The following TSC22D4 variants were observed in gnomAD, a reference collection of about 807,000 sequenced individuals.
The protein encoded by TSC22D4 is TSC22 domain family protein 4.
TSC22D4 carries 5 observed loss-of-function variants against 24.9 expected under a neutral mutation model. The ratio of observed to expected loss-of-function variants is 0.20; its 90% CI spans 0.10 to 0.42. The LOEUF (loss-of-function observed/expected upper bound fraction) is 0.42, where lower values mean the gene tolerates loss of function less well. Ranked by LOEUF, TSC22D4 falls within the 10% of genes least tolerant of loss-of-function variation. The pLI, the probability that TSC22D4 is intolerant of heterozygous loss-of-function variation, is 1.00. For missense variants in TSC22D4, 469 were observed against 547.9 expected (o/e 0.86, Z 1.44); for synonymous variants, 245 against 243.2 (o/e 1.01, Z -0.07).
intron 2 of TSC22D4, among the ~76,000 whole-genome samples, chr7:100,476,246 T>TGGGGGGGGGGGGGG (rs1799493987): frequency 2.6e-5 from 1 of 38,678 alleles, no homozygotes. Context: ...GGAGGGGGGG[T>TGGGGGGGGGGGGGG]AGGAGGGGGC....
rs754031841 is a variant in TSC22D4 at position 100,477,188 on chromosome 7, A to AGGGG, written c.762+88_762+89insCCCC. ...TGATCTTATAAAGTGATGGAGAAGG[A>AGGGG]GGAGGAGAGGGGGGGGAGGAGGAGG... On this transcript the variant is annotated intron_variant, in intron 2 of 4. Coordinates refer to ENST00000300181, the MANE Select transcript of TSC22D4 (RefSeq NM_030935.5). The surrounding 1 kb of genome is among the most constrained non-coding windows in gnomAD (Gnocchi z 7.8). 2.8e-6 allele frequency: 3 copies of AGGGG among 1,061,944 alleles called. No homozygotes were observed. Among genetic ancestry groups the AGGGG allele is most frequent in the Admixed American group, 2.9e-5 (1 of 33,962 alleles). The allele number at this position is 1,061,944 out of a possible 1,614,324, so 65.8% of individuals were successfully genotyped here.
chr7:100,468,165 CT>C, intron 3 of TSC22D4: 2 of 310,406 alleles, frequency 6.4e-6, no homozygotes, highest in South Asian at 5.0e-5. Flanking sequence ...GGGACCCCCC[CT>C]CCTTTCAGCT....
At chr7:100,467,373 G>C (rs1799302345) in intron 4 of TSC22D4, 179 bp downstream of exon 4, 1 of 860,012 alleles carries the variant, frequency 1.2e-6, no homozygotes, top group South Asian at 1.5e-5. Context: ...ACTAGAGGCT[G>C]GGCAAAGTCA....
At chr7:100,468,796 G>A (rs1799338169) in intron 3 of TSC22D4, among the ~76,000 whole-genome samples, 1 of 151,960 alleles carries the variant, frequency 6.6e-6, no homozygotes, top group Non-Finnish European at 1.5e-5. Flanking sequence ...AATTAGCCAG[G>A]CGTGGTGGAG....
intron 3 of TSC22D4, 131 bp from the exon 4 acceptor site, chr7:100,467,731 T>A: frequency 1.0e-6 from 1 of 985,824 alleles, no homozygotes. Context: ...GAGGGTTTTG[T>A]CCATCCCCCT....
At position 100,466,814 on chromosome 7, in the gene TSC22D4, G is replaced by A. The variant is rs1303853215; in HGVS notation, c.*145C>T. 3 of 794,958 alleles carry A rather than the reference G, an allele frequency of 3.8e-6. No individual in the cohort carries two copies. The highest frequency in any genetic ancestry group is 5.9e-6 in the Non-Finnish European group (3 of 506,188). 49.2% of individuals were successfully genotyped at this position (794,958 alleles called of 1,614,324 possible). A position where few individuals can be genotyped will look rare whatever the true frequency, so the allele number is the denominator to read the frequency against. On this transcript the variant is annotated 3_prime_UTR_variant, in exon 5 of 5. Transcript: ENST00000300181. ...AAGGCTGGGGATGATGAGGAGATGGGGCAGGGGCCGGGGGACCAGGCCATT... is the reference window on the plus strand; with the variant it reads ...AAGGCTGGGGATGATGAGGAGATGGAGCAGGGGCCGGGGGACCAGGCCATT...
In TSC22D4 at chr7:100,477,260, T is replaced by C; in HGVS notation, c.762+17A>G. 1 of 1,482,094 alleles carries C rather than the reference T, an allele frequency of 6.7e-7. No individual in the cohort carries two copies. Among genetic ancestry groups the C allele is most frequent in the Non-Finnish European group, 9.0e-7 (1 of 1,114,750 alleles). 91.8% of individuals were successfully genotyped at this position (1,482,094 alleles called of 1,614,324 possible). A position where few individuals can be genotyped will look rare whatever the true frequency, so the allele number is the denominator to read the frequency against. ...TAGGCCAGGGCTGATGGGCCAGCCC[T>C]AGAACCCAGGTCTTACCTGCCCCAT... is the stretch of plus-strand genomic sequence containing the variant. On this transcript the variant is annotated intron_variant, in intron 2 of 4. Transcript: ENST00000300181. The surrounding 1 kb of genome is among the most constrained non-coding windows in gnomAD (Gnocchi z 7.8).
chr7:100,472,366 T>G (rs1584349248), intron 3 of TSC22D4, among the ~76,000 whole-genome samples: 1 of 86,580 alleles, frequency 1.2e-5, no homozygotes. Context: ...CAGGGTGAAG[T>G]GGAGGCTGGG....
Position 100,468,663 on chromosome 7 carries a change from G to A in TSC22D4, c.930-1063C>T, listed in dbSNP as rs565429747. On this transcript the variant is annotated intron_variant, in intron 3 of 4. Coordinates refer to ENST00000300181, the MANE Select transcript of TSC22D4 (RefSeq NM_030935.5). ...GATGAATACAGCGTAAAGGCCAGGCGTGGTGGCTCACACCTGTAATCCCAG... is the reference window on the plus strand; with the variant it reads ...GATGAATACAGCGTAAAGGCCAGGCATGGTGGCTCACACCTGTAATCCCAG... 3.3e-5 allele frequency among the ~76,000 whole-genome samples: 5 copies of A among 152,350 alleles called. No individual in the cohort carries two copies. In the East Asian group the frequency reaches 7.7e-4, roughly 23 times the overall value.
Position 100,474,338 on chromosome 7 carries a change from G to C in TSC22D4, c.865C>G (p.Gln289Glu), listed in dbSNP as rs771934212. 2.5e-6 allele frequency: 4 copies of C among 1,614,054 alleles called. No individual in the cohort carries two copies. In the Admixed American group the frequency reaches 5.0e-5, roughly 20 times the overall value. Residue 289 changes from glutamine (Q) to glutamate (E), a missense_variant, in exon 3 of 5, where the codon CAG becomes GAG. Coordinates refer to ENST00000300181, the MANE Select transcript of TSC22D4 (RefSeq NM_030935.5). This position sits in a 1 kb window ranked among gnomAD's most constrained non-coding sequence, Gnocchi z 4.3. Reference sequence around the variant, plus strand: ...ATGGAGTGGGCCAGGCTGAACTTCTGAGCTGCTACTGCTCCGAAGGGGTCT... The same window carrying C: ...ATGGAGTGGGCCAGGCTGAACTTCTCAGCTGCTACTGCTCCGAAGGGGTCT... ...SPDPFGAVAA[Q>E]KFSLAHSMLA...
intron 4 of TSC22D4, 151 bp from the exon 5 acceptor site, chr7:100,467,319 G>T: frequency 2.2e-6 from 2 of 914,644 alleles, no homozygotes; most frequent in Non-Finnish European, 1.7e-6. Context: ...GAGGGACAGA[G>T]GCAGAGTCAG....
rs1021448284 is a variant in TSC22D4, at chr7:100,467,554, T to C, written c.976A>G (p.Met326Val). 6.2e-7 allele frequency: 1 copy of C among 1,614,064 alleles called. No homozygotes were observed. Among genetic ancestry groups the C allele is most frequent in the South Asian group, 1.1e-5 (1 of 91,064 alleles). ...VGIDNKIEQAMDLVKSHLMFA... is the reference protein window; with the variant it reads ...VGIDNKIEQAVDLVKSHLMFA... Reference sequence around the variant, plus strand: ...GGGACCAAGATGGCTTCTCTTACCATGGCTTGCTCGATTTTGTTGTCAATG... The same window carrying C: ...GGGACCAAGATGGCTTCTCTTACCACGGCTTGCTCGATTTTGTTGTCAATG... Residue 326 changes from methionine to valine, a missense_variant and splice_region_variant, in exon 4 of 5, where the codon ATG (methionine) becomes GTG (valine). Physicochemically the swap from Met to Val is conservative, Grantham distance 21. Coordinates refer to ENST00000300181, the MANE Select transcript of TSC22D4 (RefSeq NM_030935.5).
At chr7:100,469,285 G>A (rs530102474) in intron 3 of TSC22D4, among the ~76,000 whole-genome samples, 2 of 151,934 alleles carry the variant, frequency 1.3e-5, no homozygotes, top group Admixed American at 6.6e-5. Context: ...GGGTCTCAGA[G>A]GAAGCGAGGG....
Position 100,474,408 on chromosome 7 carries a change from T to C in TSC22D4, c.795A>G (p.Pro265=), listed in dbSNP as rs7809801. 305,866 of 1,613,794 alleles carry C rather than the reference T, an allele frequency of 0.19. 30,647 individuals are homozygous for C. The highest frequency in any genetic ancestry group is 0.29 in the African/African-American group (21,472 of 74,928). The stretch of plus-strand genomic sequence containing the variant: ...TGGCATCGTGGGTGAAGTAGAGGGC[T>C]GGGGAGCTGGGGCGAGAGTCAAGTG... The part of the protein sequence containing the change: ...VPPLDSRPSS[P]ALYFTHDASL... The change falls in exon 3 of 5, where the codon CCA becomes CCG. Residue 265 remains proline, a synonymous_variant. Coordinates refer to ENST00000300181, the MANE Select transcript of TSC22D4 (RefSeq NM_030935.5). The surrounding 1 kb of genome is among the most constrained non-coding windows in gnomAD (Gnocchi z 4.3).
chr7:100,473,473 G>A (rs1195165381), intron 3 of TSC22D4, among the ~76,000 whole-genome samples: 6 of 151,262 alleles, frequency 4.0e-5, no homozygotes, highest in African/African-American at 1.5e-4. Context: ...GCGGAGTCTC[G>A]CTCTGTCACC....
rs1173907063 is a variant in TSC22D4 at position 100,477,189 on chromosome 7, GGAGGA to G, written c.762+83_762+87del. 1 of 1,068,886 alleles carries G rather than the reference GGAGGA, an allele frequency of 9.4e-7. No individual in the cohort carries two copies. The highest frequency in any genetic ancestry group is 1.9e-5 in the African/African-American group (1 of 53,358). 66.2% of individuals were successfully genotyped at this position (1,068,886 alleles called of 1,614,324 possible). On this transcript the variant is annotated intron_variant, in intron 2 of 4. Coordinates refer to ENST00000300181, the MANE Select transcript of TSC22D4 (RefSeq NM_030935.5). This position sits in a 1 kb window ranked among gnomAD's most constrained non-coding sequence, Gnocchi z 7.8. Reference sequence around the variant, plus strand: ...GATCTTATAAAGTGATGGAGAAGGAGGAGGAGAGGGGGGGGAGGAGGAGGAAGGAG... The same window carrying G: ...GATCTTATAAAGTGATGGAGAAGGAGGAGGGGGGGGAGGAGGAGGAAGGAG...
intron 3 of TSC22D4, among the ~76,000 whole-genome samples, chr7:100,470,347 C>A (rs1395135999): frequency 6.6e-6 from 1 of 152,180 alleles, no homozygotes; most frequent in Non-Finnish European, 1.5e-5. Context: ...GGCTGGAGTG[C>A]AATGGCGGGA....
At chr7:100,472,407 G>T (rs1167417275) in intron 3 of TSC22D4, among the ~76,000 whole-genome samples, 1 of 151,116 alleles carries the variant, frequency 6.6e-6, no homozygotes, top group Non-Finnish European at 1.5e-5. Flanking sequence ...GGTGTGCAGG[G>T]AGGGGGTGGG....
rs1219571954 is a variant in TSC22D4, at chr7:100,477,691, T to C, written c.348A>G (p.Ser116=). The change falls in exon 2 of 5, where the codon TCA becomes TCG. Residue 116 remains serine (S), a synonymous_variant. Coordinates refer to ENST00000300181, the MANE Select transcript of TSC22D4 (RefSeq NM_030935.5). This position sits in a 1 kb window ranked among gnomAD's most constrained non-coding sequence, Gnocchi z 7.8. The part of the protein sequence containing the change: ...GGLLEGIRGA[S]GGAGGRSLDS... ...CCAAAGATCTGCCCCCGGCGCCCCCTGAGGCCCCTCGAATTCCCTCCAGGA... is the reference window on the plus strand; with the variant it reads ...CCAAAGATCTGCCCCCGGCGCCCCCCGAGGCCCCTCGAATTCCCTCCAGGA... 19 of 1,594,134 alleles carry C rather than the reference T, an allele frequency of 1.2e-5. No individual in the cohort carries two copies. The highest frequency in any genetic ancestry group is 1.6e-5 in the Non-Finnish European group (19 of 1,176,304).
Sources: gnomAD v4.1 joint callset for allele counts (sites outside exome capture counted in the v4.1 genomes callset) on GRCh38, gnomAD v4.1.1 for gene constraint, Gnocchi (gnomAD v3.1) non-coding constraint, MANE v1.5 for transcripts, NCBI Gene and HGNC (gene_info 2026-07-23, HGNC 2026-07-21) for gene names.